The following IL7 variants were observed in gnomAD, a reference collection of about 807,000 sequenced individuals.
IL7 encodes the protein interleukin-7.
In IL7, 3 loss-of-function variants were observed where a neutral mutation model predicts 21.6. The ratio of observed to expected loss-of-function variants is 0.14; its 90% CI spans 0.06 to 0.36. The LOEUF is 0.36. IL7 is among the 10% of genes least tolerant of loss of function. The pLI is 1.00. For missense variants in IL7, 175 were observed against 200.2 expected (o/e 0.87, Z 0.76); for synonymous variants, 62 against 68.1 (o/e 0.91, Z 0.44).
At chr8:78,683,658 C>CT (rs1809862250) in intron 4 of IL7, among the ~76,000 whole-genome samples, 1 of 152,130 alleles carries the variant, frequency 6.6e-6, no homozygotes, top group South Asian at 2.1e-4. Flanking sequence ...GCATTTTTCC[C>CT]TTTGTCTTGG....
At chr8:78,724,701 C>T (rs62519001) in intron 3 of IL7, among the ~76,000 whole-genome samples, 7,828 of 152,040 alleles carry the variant, frequency 0.051, 280 homozygotes, top group Middle Eastern at 0.082. Flanking sequence ...AATCAAAACG[C>T]CATTTGAATA....
chr8:78,740,896 A>G (rs1811757466), intron 2 of IL7, among the ~76,000 whole-genome samples: 1 of 152,148 alleles, frequency 6.6e-6, no homozygotes, highest in Non-Finnish European at 1.5e-5. Flanking sequence ...GGAATGTAGT[A>G]GAAGAAGGTA....
chr8:78,676,717 G>A (rs1585979224), intron 4 of IL7, among the ~76,000 whole-genome samples: 2 of 151,610 alleles, frequency 1.3e-5, no homozygotes, highest in South Asian at 2.1e-4. Flanking sequence ...AATAATGATG[G>A]CTTTTTTGTA....
At chr8:78,719,048 G>T (rs556237550) in exon 6 of IL7, 1 of 151,606 alleles carries the variant, frequency 6.6e-6, no homozygotes, top group East Asian at 1.9e-4. Flanking sequence ...TTTCCCCTCA[G>T]TTATCTTTAT....
chr8:78,689,423 A>G (rs202184308), intron 3 of IL7: 1 of 1,478,278 alleles, frequency 6.8e-7, no homozygotes, highest in Non-Finnish European at 9.0e-7. Flanking sequence ...GCTCATGGAC[A>G]TTCATAGATT....
In IL7 at chr8:78,701,437, C is replaced by T. The variant is rs143192986; in HGVS notation, n.215-15490G>A. Among the ~76,000 whole-genome samples, 1,138 of 152,210 alleles carry T rather than the reference C, an allele frequency of 7.5e-3. 5 individuals carry two copies. The highest frequency in any genetic ancestry group is 0.034 in the Middle Eastern group (10 of 294). ...CTAGATACATGATCATGTCATCTGC[C>T]AGCAGGGATAGTTTGACTTCCTCTC... On this transcript the variant is annotated intron_variant and non_coding_transcript_variant, in intron 3 of 4. Coordinates refer to the IL7 transcript ENST00000523959.
At chr8:78,699,444 T>G (rs1049066583) in intron 3 of IL7, among the ~76,000 whole-genome samples, 3 of 152,180 alleles carry the variant, frequency 2.0e-5, no homozygotes, top group Non-Finnish European at 4.4e-5. Context: ...ATTAATGAAA[T>G]ACAGCACACA....
rs537845769 is a variant in IL7, at chr8:78,687,304, CAA to C, written n.215-1359_215-1358del. 2.4e-3 allele frequency among the ~76,000 whole-genome samples: 365 copies of C among 151,654 alleles called. 2 individuals carry two copies. Among genetic ancestry groups the C allele is most frequent in the African/African-American group, 8.2e-3 (340 of 41,402 alleles). On this transcript the variant is annotated intron_variant and non_coding_transcript_variant, in intron 3 of 4. Coordinates refer to the IL7 transcript ENST00000523959. ...CTCTAGATTGGGATTTATTTTCTAA[CAA>C]AGAGAAAGTTCTTTAGCAAATCTAG... is the stretch of plus-strand genomic sequence containing the variant.
intron 2 of IL7, chr8:78,747,001 C>T (rs1563418373): frequency 4.4e-6 from 2 of 456,456 alleles, no homozygotes; most frequent in East Asian, 1.4e-4. Flanking sequence ...TTCATGGTCA[C>T]ATGTGCTAGA....
At chr8:78,803,993 T>C (rs2130859593) in intron 1 of IL7, among the ~76,000 whole-genome samples, 1 of 152,300 alleles carries the variant, frequency 6.6e-6, no homozygotes, top group African/African-American at 2.4e-5. Context: ...GTCTTCTTGC[T>C]TGAGGAAGTA....
intron 2 of IL7, among the ~76,000 whole-genome samples, chr8:78,742,894 C>T (rs781127512): frequency 3.3e-5 from 5 of 152,072 alleles, no homozygotes; most frequent in Non-Finnish European, 7.4e-5. Flanking sequence ...CTCCATCCTC[C>T]AAAAAGCCCC....
Position 78,732,992 on chromosome 8 carries a change from T to G in IL7, c.*721A>C, listed in dbSNP as rs1163168126. 3 of 152,124 alleles carry G rather than the reference T, an allele frequency of 2.0e-5. No homozygotes were observed. The highest frequency in any genetic ancestry group is 7.2e-5 in the African/African-American group (3 of 41,448). The allele number at this position is 152,124 out of a possible 1,614,324, so 9.4% of individuals were successfully genotyped here. A position where few individuals can be genotyped will look rare whatever the true frequency, so the allele number is the denominator to read the frequency against. On this transcript the variant is annotated 3_prime_UTR_variant, in exon 6 of 6. Transcript: ENST00000263851. ...TAATCTATATAAATGACAATGTAACTCAGTACTAAGGTTTAGCATCCTTAG... is the reference window on the plus strand; with the variant it reads ...TAATCTATATAAATGACAATGTAACGCAGTACTAAGGTTTAGCATCCTTAG...
intron 2 of IL7, among the ~76,000 whole-genome samples, chr8:78,754,963 G>C (rs551382398): frequency 6.6e-6 from 1 of 152,050 alleles, no homozygotes; most frequent in South Asian, 2.1e-4. Context: ...TTATATTTCT[G>C]GGTTTCATGT....
chr8:78,788,204 G>A (rs566490596), intron 2 of IL7, among the ~76,000 whole-genome samples: 335 of 152,148 alleles, frequency 2.2e-3, no homozygotes, highest in African/African-American at 7.6e-3. Flanking sequence ...CAAAGAACCA[G>A]TTTTGGTTTC....
At chr8:78,797,016 A>C (rs534045749) in intron 2 of IL7, among the ~76,000 whole-genome samples, 1 of 152,188 alleles carries the variant, frequency 6.6e-6, no homozygotes, top group African/African-American at 2.4e-5. Context: ...TTTTTCAATC[A>C]GTGAAAAAAT....
chr8:78,723,101 A>G (rs956412635), intron 3 of IL7, among the ~76,000 whole-genome samples: 1 of 118,414 alleles, frequency 8.4e-6, no homozygotes, highest in Non-Finnish European at 2.0e-5. Context: ...AAATATATAT[A>G]TATATATATA....
At chr8:78,716,057 G>C (rs1031569960), downstream of IL7, among the ~76,000 whole-genome samples, 2 of 149,242 alleles carry the variant, frequency 1.3e-5, no homozygotes, top group Non-Finnish European at 1.5e-5. Context: ...AAAAAAAAAG[G>C]CTGTTATAGT....
At chr8:78,712,784 T>A (rs1302015888) in intron 3 of IL7, among the ~76,000 whole-genome samples, 3 of 152,178 alleles carry the variant, frequency 2.0e-5, no homozygotes, top group Non-Finnish European at 4.4e-5. Context: ...ACATTTTAAA[T>A]ATGAAATTAG....
chr8:78,760,414 G>T (rs1431352193), intron 2 of IL7: 1 of 1,600,064 alleles, frequency 6.2e-7, no homozygotes, highest in African/African-American at 1.3e-5. Context: ...GAAAAAACTT[G>T]ATGTCAGGCA....
Sources: gnomAD v4.1 joint callset for allele counts (sites outside exome capture counted in the v4.1 genomes callset) on GRCh38, gnomAD v4.1.1 for gene constraint, MANE v1.5 for transcripts, NCBI Gene and HGNC (gene_info 2026-07-23, HGNC 2026-07-21) for gene names.